Variants in R3HDM2 observed in about 807,000 individuals in gnomAD.
The protein encoded by R3HDM2 is R3H domain-containing protein 2.
A neutral mutation model predicts 124.5 loss-of-function variants in R3HDM2; 38 were observed. That is an observed-to-expected ratio of 0.31 (90% CI 0.24 to 0.40). R3HDM2 has a LOEUF of 0.40. Among genes scored for constraint, R3HDM2 ranks in the 10% least tolerant of loss-of-function variants. The probability of loss-of-function intolerance (pLI) is 1.00; values close to 1 mark genes in which losing one functional copy is unlikely to be tolerated. For missense variants in R3HDM2, 869 were observed against 1,236.9 expected, an observed-to-expected ratio of 0.70 and a Z score of 4.46; for synonymous variants, 391 against 448.0, an observed-to-expected ratio of 0.87 and a Z score of 1.61.
At chr12:57,377,649 C>G (rs2064268428) in intron 2 of R3HDM2, among the ~76,000 whole-genome samples, 1 of 152,112 alleles carries the variant, frequency 6.6e-6, no homozygotes, top group African/African-American at 2.4e-5. Context: ...ATAGTATTGG[C>G]TTGTAGTGCA....
chr12:57,365,313 C>T (rs915577474), intron 2 of R3HDM2, among the ~76,000 whole-genome samples: 9 of 151,618 alleles, frequency 5.9e-5, no homozygotes, highest in African/African-American at 1.9e-4. Flanking sequence ...GGATTAGGGC[C>T]CTCCTCCTAT....
At chr12:57,386,037 T>G (rs190004329) in intron 2 of R3HDM2, among the ~76,000 whole-genome samples, 2 of 152,166 alleles carry the variant, frequency 1.3e-5, no homozygotes, top group Admixed American at 1.3e-4. Flanking sequence ...ATTACAAAAA[T>G]AAAAAAAATG....
rs2042478969 is a variant in R3HDM2, at chr12:57,266,580, A to G, written c.2131+151T>C. 6.4e-6 allele frequency: 4 copies of G among 626,032 alleles called. No homozygotes were observed. The East Asian group carries it at 1.3e-4, about 20-fold the overall frequency. The allele number at this position is 626,032 out of a possible 1,614,324, so 38.8% of individuals were successfully genotyped here. On this transcript the variant is annotated intron_variant, in intron 19 of 23. Transcript: ENST00000402412. ...AGCTTCAGTACCCTTGGAAAACACC[A>G]GCTAAGACTGTTTTTTCTTTGTGAT... is the stretch of plus-strand genomic sequence containing the variant.
intron 14 of R3HDM2, among the ~76,000 whole-genome samples, chr12:57,276,044 C>T (rs1467660010): frequency 1.3e-5 from 2 of 151,928 alleles, no homozygotes; most frequent in South Asian, 2.1e-4. Flanking sequence ...GGTGAAACCC[C>T]GTCTCTACTA....
intron 13 of R3HDM2, among the ~76,000 whole-genome samples, chr12:57,281,735 C>T (rs1187067688): frequency 1.3e-5 from 2 of 152,088 alleles, no homozygotes; most frequent in Admixed American, 6.5e-5. Flanking sequence ...ATCTGCCTGC[C>T]TCTGCCTCCC....
chr12:57,353,227 C>T (rs1031049154), intron 2 of R3HDM2, among the ~76,000 whole-genome samples: 1 of 151,874 alleles, frequency 6.6e-6, no homozygotes, highest in Non-Finnish European at 1.5e-5. Context: ...GTGAAACATA[C>T]ATATAGGACA....
chr12:57,399,183 CAGG>C (rs765885775), intron 1 of R3HDM2, among the ~76,000 whole-genome samples: 3 of 152,082 alleles, frequency 2.0e-5, no homozygotes, highest in Non-Finnish European at 2.9e-5. Flanking sequence ...GTGGGTGGAT[CAGG>C]AGGTCAGGAG....
chr12:57,332,915 T>G (rs1349108278), intron 2 of R3HDM2, among the ~76,000 whole-genome samples: 1 of 152,208 alleles, frequency 6.6e-6, no homozygotes, highest in East Asian at 1.9e-4. Context: ...TGGATATCGC[T>G]TTCAATCCTT....
chr12:57,381,685 T>C (rs1361235194), intron 2 of R3HDM2, among the ~76,000 whole-genome samples: 2 of 140,676 alleles, frequency 1.4e-5, no homozygotes, highest in Non-Finnish European at 3.1e-5. Context: ...GGTATCGACT[T>C]CATAAATCAC....
At chr12:57,336,092 T>C (rs2058817552) in intron 2 of R3HDM2, among the ~76,000 whole-genome samples, 1 of 152,016 alleles carries the variant, frequency 6.6e-6, no homozygotes, top group Middle Eastern at 3.4e-3. Flanking sequence ...GGGTTTTTTT[T>C]TTTTAATTTC....
At chr12:57,384,812 AAGAAT>A (rs1481086422) in intron 2 of R3HDM2, among the ~76,000 whole-genome samples, 3 of 152,208 alleles carry the variant, frequency 2.0e-5, no homozygotes, top group Non-Finnish European at 4.4e-5. Flanking sequence ...TTAGAAAAAA[AAGAAT>A]AGAGGCAAAA....
At position 57,286,898 on chromosome 12, in the gene R3HDM2, G is replaced by A. The variant is rs895812499; in HGVS notation, c.938+2111C>T. Among the ~76,000 whole-genome samples, 9 of 152,090 alleles carry A rather than the reference G, an allele frequency of 5.9e-5. No homozygotes were observed. The South Asian group carries it at 1.9e-3, about 32-fold the overall frequency. ...CATCTCAGGGAAATAAAAAAAAAAGGTCTGGAGAGGAAAGGGCTGCACCTA... is the reference window on the plus strand; with the variant it reads ...CATCTCAGGGAAATAAAAAAAAAAGATCTGGAGAGGAAAGGGCTGCACCTA... On this transcript the variant is annotated intron_variant, in intron 12 of 23. Transcript: ENST00000402412.
intron 2 of R3HDM2, among the ~76,000 whole-genome samples, chr12:57,322,670 A>T (rs1417053764): frequency 6.6e-6 from 1 of 152,124 alleles, no homozygotes; most frequent in East Asian, 1.9e-4. Context: ...GTTGAATCCT[A>T]ACACAACTCT....
intron 5 of R3HDM2, 130 bp downstream of exon 5, chr12:57,299,965 T>C: frequency 1.3e-6 from 1 of 742,072 alleles, no homozygotes; most frequent in South Asian, 1.7e-5. Flanking sequence ...CCTGTTTTAC[T>C]ACAACAGCTT....
At chr12:57,318,687 T>G (rs994655464) in intron 2 of R3HDM2, among the ~76,000 whole-genome samples, 2 of 151,330 alleles carry the variant, frequency 1.3e-5, no homozygotes, top group Non-Finnish European at 3.0e-5. Context: ...AAGAAAGAAA[T>G]AACTGACAGG....
At chr12:57,304,934 C>T (rs917814396) in intron 3 of R3HDM2, among the ~76,000 whole-genome samples, 6 of 152,160 alleles carry the variant, frequency 3.9e-5, no homozygotes, top group African/African-American at 1.4e-4. Flanking sequence ...CCTGTAATCC[C>T]AGCACTTTGG....
At chr12:57,360,036 T>TATAC (rs56942597) in intron 2 of R3HDM2, among the ~76,000 whole-genome samples, 3,160 of 76,290 alleles carry the variant, frequency 0.041, 47 homozygotes, top group South Asian at 0.11. Flanking sequence ...CACATATATA[T>TATAC]ATATATATAT....
intron 2 of R3HDM2, among the ~76,000 whole-genome samples, chr12:57,364,939 TGA>T (rs1428746673): frequency 1.9e-5 from 2 of 105,728 alleles, no homozygotes; most frequent in African/African-American, 3.8e-5. Context: ...GGTGACAGAG[TGA>T]GACTCCATCT....
At chr12:57,418,186 C>T (rs2069836011) in intron 1 of R3HDM2, 1 of 985,288 alleles carries the variant, frequency 1.0e-6, no homozygotes. Flanking sequence ...AGACACAAAC[C>T]TGAGCGTCAT....
Sources: gnomAD v4.1 joint callset for allele counts (sites outside exome capture counted in the v4.1 genomes callset) on GRCh38, gnomAD v4.1.1 for gene constraint, MANE v1.5 for transcripts, NCBI Gene and HGNC (gene_info 2026-07-23, HGNC 2026-07-21) for gene names.